MTMR11: variants seen among roughly 807,000 people sequenced by gnomAD.
MTMR11 encodes the protein myotubularin-related protein 11.
In MTMR11, 89 loss-of-function variants were observed where a neutral mutation model predicts 100.0. That is an observed-to-expected ratio of 0.89 (90% CI 0.75 to 1.06). The LOEUF (loss-of-function observed/expected upper bound fraction) is 1.06, where lower values mean the gene tolerates loss of function less well. MTMR11 is among the 50% of genes least tolerant of loss of function. The probability of loss-of-function intolerance (pLI) is 0.00; values close to 1 mark genes in which losing one functional copy is unlikely to be tolerated. For missense variants in MTMR11, 809 were observed against 873.7 expected (o/e 0.93, Z 0.93); for synonymous variants, 336 against 326.3 (o/e 1.03, Z -0.32).
At chr1:149,929,940 G>A (rs782425522) in intron 15 of MTMR11, 24 bp from the exon 16 acceptor site, 1 of 1,597,080 alleles carries the variant, frequency 6.3e-7, no homozygotes, top group Admixed American at 1.7e-5. Flanking sequence ...AAAATCAACT[G>A]GCAACAGAGA....
At position 149,933,851 on chromosome 1, in the gene MTMR11, T is replaced by C. The variant is rs2092691334; in HGVS notation, c.771+4A>G. ...ACAGCCATTACCCTAACCATCACAC[T>C]GACCGGTCCACGGCCCTGATGAAAG... On this transcript the variant is annotated splice_donor_region_variant and intron_variant, in intron 8 of 16. Transcript: ENST00000439741. The C allele has an allele frequency of 6.2e-7, 1 of 1,613,824 alleles. No homozygotes were observed. The highest frequency in any genetic ancestry group is 8.5e-7 in the Non-Finnish European group (1 of 1,179,820).
intron 10 of MTMR11, among the ~76,000 whole-genome samples, chr1:149,933,099 A>G (rs1218249514): frequency 2.0e-5 from 3 of 151,648 alleles, no homozygotes; most frequent in Admixed American, 1.3e-4. Context: ...GGCATCGGCC[A>G]CCACACCCAG....
chr1:149,929,602 C>T (rs782008747), intron 16 of MTMR11, 21 bp downstream of exon 16: 2 of 1,597,504 alleles, frequency 1.3e-6, no homozygotes, highest in Non-Finnish European at 1.7e-6. Context: ...GTCCCACTCC[C>T]AGTCTATTTT....
intron 14 of MTMR11, 28 bp downstream of exon 14, chr1:149,930,764 A>AT (rs2092647722): frequency 6.6e-7 from 1 of 1,524,700 alleles, no homozygotes. Context: ...GGAAAAAAAA[A>AT]CACGAGTCAA....
In MTMR11 at chr1:149,936,780, G is replaced by T. The variant is rs587733142; in HGVS notation, c.-133C>A. Reference sequence around the variant, plus strand: ...GAGGGGTAGGGGGTTGGACACAAGGGAAAGGAGCATTTGACGTGCACGGAG... The same window carrying T: ...GAGGGGTAGGGGGTTGGACACAAGGTAAAGGAGCATTTGACGTGCACGGAG... On this transcript the variant is annotated 5_prime_UTR_variant, in exon 1 of 17. Transcript: ENST00000439741. The T allele has an allele frequency of 4.4e-6, 3 of 683,300 alleles. No individual in the cohort carries two copies. The South Asian group carries it at 4.8e-5, about 11-fold the overall frequency. The allele number at this position is 683,300 out of a possible 1,614,324, so 42.3% of individuals were successfully genotyped here.
In MTMR11 at chr1:149,934,185, G is replaced by A; in HGVS notation, c.683+6C>T. The A allele has an allele frequency of 6.2e-7, 1 of 1,613,714 alleles. No individual in the cohort carries two copies. The highest frequency in any genetic ancestry group is 1.1e-5 in the South Asian group (1 of 91,054). ...GCAGCAGGGTTGGGGTGCACTGGGG[G>A]ATCACCTGGTGGCTACGTCGAACCT... On this transcript the variant is annotated splice_donor_region_variant and intron_variant, in intron 7 of 16. Coordinates refer to ENST00000439741, the MANE Select transcript of MTMR11 (RefSeq NM_001145862.2).
rs782141190 is a variant in MTMR11 at position 149,933,848 on chromosome 1, C to A, written c.771+7G>T. ...TCCACAGCCATTACCCTAACCATCA[C>A]ACTGACCGGTCCACGGCCCTGATGA... On this transcript the variant is annotated splice_region_variant and intron_variant, in intron 8 of 16. Coordinates refer to ENST00000439741, the MANE Select transcript of MTMR11 (RefSeq NM_001145862.2). 6.2e-7 allele frequency: 1 copy of A among 1,613,772 alleles called. No homozygotes were observed. Among genetic ancestry groups the A allele is most frequent in the Non-Finnish European group, 8.5e-7 (1 of 1,179,742 alleles).
At chr1:149,934,668 C>T in intron 5 of MTMR11, 142 bp from the exon 6 acceptor site, 1 of 913,106 alleles carries the variant, frequency 1.1e-6, no homozygotes, top group Non-Finnish European at 1.7e-6. Flanking sequence ...GGGGCTTCCT[C>T]AGGTCATGGG....
In MTMR11 at chr1:149,930,522, G is replaced by T; in HGVS notation, c.1490C>A (p.Thr497Asn). The change falls in exon 15 of 17, where the codon ACC becomes AAC. Residue 497 changes from threonine to asparagine, a missense_variant. Coordinates refer to ENST00000439741, the MANE Select transcript of MTMR11 (RefSeq NM_001145862.2). ...GQLNSYTQVY[T>N]PGYSQPPAGN... Reference sequence around the variant, plus strand: ...AGCTGGAGGCTGGGAGTATCCTGGGGTGTAGACTTGTGTATAGGAGTTTAA... The same window carrying T: ...AGCTGGAGGCTGGGAGTATCCTGGGTTGTAGACTTGTGTATAGGAGTTTAA... The T allele has an allele frequency of 6.2e-7, 1 of 1,613,688 alleles. No individual in the cohort carries two copies.
intron 13 of MTMR11, 25 bp downstream of exon 13, chr1:149,931,235 C>G: frequency 6.2e-7 from 1 of 1,613,412 alleles, no homozygotes; most frequent in Non-Finnish European, 8.5e-7. Context: ...AATATGCCCC[C>G]GATGCCATCC....
chr1:149,934,372 C>T (rs2092698661), intron 6 of MTMR11, 46 bp from the exon 7 acceptor site: 2 of 1,613,708 alleles, frequency 1.2e-6, no homozygotes, highest in Non-Finnish European at 1.7e-6. Flanking sequence ...AAATCAGAGA[C>T]AGCTTCTCAG....
At position 149,928,836 on chromosome 1, in the gene MTMR11, G is replaced by A. The variant is rs2092614747; in HGVS notation, c.*293C>T. 1 of 1,593,712 alleles carries A rather than the reference G, an allele frequency of 6.3e-7. No individual in the cohort carries two copies. The highest frequency in any genetic ancestry group is 1.3e-5 in the African/African-American group (1 of 74,404). ...TGCGATTTCTAGGCCATCTTGTTGG[G>A]ACTGATGAACAGCATCTCTGATCTC... On this transcript the variant is annotated 3_prime_UTR_variant, in exon 17 of 17. Coordinates refer to ENST00000439741, the MANE Select transcript of MTMR11 (RefSeq NM_001145862.2).
intron 7 of MTMR11, 48 bp from the exon 8 acceptor site, chr1:149,933,990 A>C: frequency 6.4e-7 from 1 of 1,572,716 alleles, no homozygotes; most frequent in Non-Finnish European, 8.8e-7. Flanking sequence ...ACTTCATTAT[A>C]ATGGAAAGCT....
At chr1:149,932,384 G>A in intron 10 of MTMR11, 54 bp from the exon 11 acceptor site, 4 of 1,403,038 alleles carry the variant, frequency 2.9e-6, no homozygotes, top group Non-Finnish European at 4.0e-6. Flanking sequence ...CAGGATTCAG[G>A]ATTCAGGTTG....
chr1:149,934,086 G>T (rs2092694767), intron 7 of MTMR11, 105 bp downstream of exon 7: 1 of 1,569,770 alleles, frequency 6.4e-7, no homozygotes, highest in Non-Finnish European at 8.7e-7. Context: ...TAGCTTTGTG[G>T]GTGTCCTAGG....
rs919907055 is a variant in MTMR11 at position 149,936,868 on chromosome 1, T to G, written c.-221A>C. ...AGCCTGAGAAGTCTCCTCGGAAACT[T>G]CAGTCGACTCTGGAGAGGGCGGGAG... On this transcript the variant is annotated 5_prime_UTR_variant, in exon 1 of 17. Transcript: ENST00000439741. 18 of 556,056 alleles carry G rather than the reference T, an allele frequency of 3.2e-5. No individual in the cohort carries two copies. The highest frequency in any genetic ancestry group is 5.3e-5 in the Non-Finnish European group (17 of 318,796). The allele number at this position is 556,056 out of a possible 1,614,324, so 34.4% of individuals were successfully genotyped here.
rs376116759 is a variant in MTMR11 at position 149,930,850 on chromosome 1, G to A, written c.1406C>T (p.Pro469Leu). 3.1e-6 allele frequency: 5 copies of A among 1,611,086 alleles called. No individual in the cohort carries two copies. The highest frequency in any genetic ancestry group is 4.2e-6 in the Non-Finnish European group (5 of 1,178,980). ...LLALHDSVRVPDTLTFLRNTP... is the reference protein window; with the variant it reads ...LLALHDSVRVLDTLTFLRNTP... ...ATTTCTCAGGAAGGTAAGGGTGTCA[G>A]GAACCCTGACACTGTCATGAAGAGC... Residue 469 changes from proline (P) to leucine (L), a missense_variant, in exon 14 of 17, where the codon CCT (proline) becomes CTT (leucine). Physicochemically the swap from Pro to Leu is moderately conservative, Grantham distance 98 (BLOSUM62 -3). Coordinates refer to ENST00000439741, the MANE Select transcript of MTMR11 (RefSeq NM_001145862.2).
At position 149,935,279 on chromosome 1, in the gene MTMR11, C is replaced by A; in HGVS notation, c.325+20G>T. ...CAACAACCCCAGTGAACCCCTTCACCAAACCCCCCCCCAACTTACCAGCCT... is the reference window on the plus strand; with the variant it reads ...CAACAACCCCAGTGAACCCCTTCACAAAACCCCCCCCCAACTTACCAGCCT... On this transcript the variant is annotated intron_variant, in intron 4 of 16. Coordinates refer to ENST00000439741, the MANE Select transcript of MTMR11 (RefSeq NM_001145862.2). 6.2e-7 allele frequency: 1 copy of A among 1,611,344 alleles called. No individual in the cohort carries two copies. Among genetic ancestry groups the A allele is most frequent in the Non-Finnish European group, 8.5e-7 (1 of 1,178,704 alleles).
At position 149,934,213 on chromosome 1, in the gene MTMR11, C is replaced by T. The variant is rs782214611; in HGVS notation, c.661G>A (p.Glu221Lys). 1.7e-5 allele frequency: 27 copies of T among 1,614,120 alleles called. No individual in the cohort carries two copies. The highest frequency in any genetic ancestry group is 6.7e-5 in the East Asian group (3 of 44,880). The change falls in exon 7 of 17, where the codon GAG becomes AAG. Residue 221 changes from glutamate (E) to lysine (K), a missense_variant. Physicochemically the swap from Glu to Lys is moderately conservative, Grantham distance 56. Coordinates refer to ENST00000439741, the MANE Select transcript of MTMR11 (RefSeq NM_001145862.2). ...CACCTGGTGGCTACGTCGAACCTCTCGTTGACCGTGCTGACCCTCCAGCCT... is the reference window on the plus strand; with the variant it reads ...CACCTGGTGGCTACGTCGAACCTCTTGTTGACCGTGCTGACCCTCCAGCCT... ...ARGWRVSTVN[E>K]RFDVATSLPR... is the part of the protein sequence containing the mutation.
Sources: allele counts gnomAD v4.1 joint callset (sites outside exome capture counted in the v4.1 genomes callset), GRCh38; gene constraint gnomAD v4.1.1; transcripts MANE v1.5; gene names NCBI Gene and HGNC (gene_info 2026-07-23, HGNC 2026-07-21).